Variants in SACS observed in about 807,000 individuals in gnomAD.
SACS encodes sacsin molecular chaperone, also known as sacsin.
SACS carries 197 observed loss-of-function variants against 348.0 expected under a neutral mutation model. The ratio of observed to expected loss-of-function variants is 0.57; its 90% CI spans 0.50 to 0.64. SACS has a LOEUF of 0.64. Ranked by LOEUF, SACS falls within the 30% of genes least tolerant of loss-of-function variation. SACS has a pLI of 0.00. For synonymous variants in SACS, 1,985 were observed against 1,910.6 expected (o/e 1.04, Z -1.02); for missense variants, 4,999 against 5,360.8 (o/e 0.93, Z 2.11).
Position 23,330,380 on chromosome 13 carries a change from T to A in SACS, c.13496A>T (p.Asp4499Val). The A allele has an allele frequency of 6.2e-7, 1 of 1,614,202 alleles. No homozygotes were observed. The highest frequency in any genetic ancestry group is 8.5e-7 in the Non-Finnish European group (1 of 1,180,018). Reference protein sequence around the residue: ...DYAVRGKSDKDVKPTALAQKI... With the variant: ...DYAVRGKSDKVVKPTALAQKI... ...CTGAGCAAGTGCAGTTGGTTTTACA[T>A]CTTTATCAGACTTTCCCCTCACAGC... is the stretch of plus-strand genomic sequence containing the variant. Residue 4499 changes from aspartate to valine, a missense_variant, in exon 10 of 10, where the codon GAT (aspartate) becomes GTT (valine). Physicochemically the swap from Asp to Val is radical, Grantham distance 152 (BLOSUM62 -3). This residue lies in a region of SACS where 254 missense variants were observed against 275.1 expected (regional missense o/e 0.92). Coordinates refer to ENST00000382292, the MANE Select transcript of SACS (RefSeq NM_014363.6).
intron 4 of SACS, 36 bp from the exon 5 acceptor site, chr13:23,368,523 A>G: frequency 6.7e-7 from 1 of 1,484,114 alleles, no homozygotes; most frequent in Non-Finnish European, 9.4e-7. Flanking sequence ...GAGTTAGAAA[A>G]AAAATCCCAT....
intron 9 of SACS, 78 bp from the exon 10 acceptor site, chr13:23,341,768 T>C (rs974667325): frequency 1.2e-5 from 10 of 838,918 alleles, no homozygotes; most frequent in African/African-American, 1.1e-4. Context: ...AATAACACAG[T>C]ACTGGAAGGT....
intron 1 of SACS, among the ~76,000 whole-genome samples, chr13:23,414,776 C>T (rs893318866): frequency 4.6e-5 from 7 of 152,196 alleles, no homozygotes; most frequent in African/African-American, 1.7e-4. Flanking sequence ...CACATTTATT[C>T]CTGTCATTTC....
rs757993344 is a variant in SACS at position 23,336,891 on chromosome 13, G to T, written c.6985C>A (p.Gln2329Lys). Reference sequence around the variant, plus strand: ...ATTGACATCTTAGTGATTTCATTTTGCATCAAGGCTTCATGAAGGTATTTG... The same window carrying T: ...ATTGACATCTTAGTGATTTCATTTTTCATCAAGGCTTCATGAAGGTATTTG... ...CYKYLHEALM[Q>K]NEITKMSIID... Residue 2329 changes from glutamine (Q) to lysine (K), a missense_variant, in exon 10 of 10, where the codon CAA becomes AAA. Around this residue, in one of 6 missense-constraint regions of SACS, gnomAD observed 3,156 missense variants for 3,380.1 expected, o/e 0.93. Coordinates refer to ENST00000382292, the MANE Select transcript of SACS (RefSeq NM_014363.6). 6.2e-7 allele frequency: 1 copy of T among 1,613,404 alleles called. No individual in the cohort carries two copies. The highest frequency in any genetic ancestry group is 1.1e-5 in the South Asian group (1 of 91,046).
intron 9 of SACS, among the ~76,000 whole-genome samples, chr13:23,350,293 A>G (rs908552739): frequency 1.3e-5 from 2 of 152,236 alleles, no homozygotes; most frequent in Non-Finnish European, 2.9e-5. Context: ...AGTACAGACA[A>G]TAAGACAACT....
chr13:23,393,457 C>G (rs562221200), intron 2 of SACS, among the ~76,000 whole-genome samples: 11 of 152,282 alleles, frequency 7.2e-5, no homozygotes, highest in Admixed American at 6.5e-4. Context: ...CCTCATCACC[C>G]GTGTTCGCTG....
intron 1 of SACS, among the ~76,000 whole-genome samples, chr13:23,414,697 C>T (rs1873633101): frequency 6.6e-6 from 1 of 152,184 alleles, no homozygotes. Context: ...ACATTTATTA[C>T]AAAAATCAAT....
chr13:23,361,077 T>C (rs183329974), intron 6 of SACS, among the ~76,000 whole-genome samples: 1 of 152,246 alleles, frequency 6.6e-6, no homozygotes, highest in East Asian at 1.9e-4. Flanking sequence ...TCAGAACTGC[T>C]GTCTCTCACC....
chr13:23,389,919 T>G (rs762187742), intron 2 of SACS, among the ~76,000 whole-genome samples: 3 of 152,242 alleles, frequency 2.0e-5, no homozygotes, highest in African/African-American at 4.8e-5. Flanking sequence ...TGCATCTACA[T>G]ATGCCAGAAG....
chr13:23,361,975 G>A (rs1031488939), intron 6 of SACS, among the ~76,000 whole-genome samples: 2 of 152,150 alleles, frequency 1.3e-5, no homozygotes, highest in Admixed American at 6.5e-5. Context: ...GCACATACAC[G>A]GTGTTTACTA....
At position 23,341,474 on chromosome 13, in the gene SACS, G is replaced by A. The variant is rs778014724; in HGVS notation, c.2402C>T (p.Pro801Leu). Residue 801 changes from proline to leucine, a missense_variant, in exon 10 of 10, where the codon CCA (proline) becomes CTA (leucine). Transcript: ENST00000382292. The part of the protein sequence containing the change: ...SEDLTLFDEM[P>L]LIPRTILEEG... ...CTCTAGTATAGTTCTGGGGATAAGT[G>A]GCATCTCATCAAATAAAGTCAAATC... 1.2e-6 allele frequency: 2 copies of A among 1,613,836 alleles called. No individual in the cohort carries two copies. The highest frequency in any genetic ancestry group is 4.5e-5 in the East Asian group (2 of 44,868).
chr13:23,390,408 C>A (rs1465657669), intron 2 of SACS, among the ~76,000 whole-genome samples: 1 of 152,110 alleles, frequency 6.6e-6, no homozygotes, highest in Admixed American at 6.6e-5. Context: ...ACTTGTAATC[C>A]CAGCACTTCG....
intron 2 of SACS, among the ~76,000 whole-genome samples, chr13:23,392,047 C>T (rs1043110931): frequency 1.3e-5 from 2 of 152,176 alleles, no homozygotes; most frequent in Non-Finnish European, 2.9e-5. Flanking sequence ...TCCCAGGATG[C>T]AGTAAAATGG....
intron 2 of SACS, among the ~76,000 whole-genome samples, chr13:23,398,733 A>G (rs1872818332): frequency 6.6e-6 from 1 of 152,062 alleles, no homozygotes; most frequent in African/African-American, 2.4e-5. Context: ...AGGATTGTGG[A>G]GACAAAGTTT....
At chr13:23,409,354 G>GTTT (rs542678644) in intron 2 of SACS, among the ~76,000 whole-genome samples, 15 of 105,658 alleles carry the variant, frequency 1.4e-4, no homozygotes, top group South Asian at 3.2e-4. Flanking sequence ...CGCGCTGGCC[G>GTTT]TTTTTTTTTT....
chr13:23,342,584 C>CT (rs765991083), intron 9 of SACS, among the ~76,000 whole-genome samples: 28 of 152,190 alleles, frequency 1.8e-4, no homozygotes, highest in Admixed American at 6.5e-4. Flanking sequence ...ATGAGCATTT[C>CT]TTTTGAGTGT....
chr13:23,394,551 T>C (rs1018207625), intron 2 of SACS, among the ~76,000 whole-genome samples: 35 of 152,202 alleles, frequency 2.3e-4, no homozygotes, highest in African/African-American at 7.0e-4. Context: ...ATGACTTGCA[T>C]AGGATCAGAT....
At chr13:23,419,528 G>A (rs1301543919) in intron 1 of SACS, among the ~76,000 whole-genome samples, 1 of 152,152 alleles carries the variant, frequency 6.6e-6, no homozygotes, top group South Asian at 2.1e-4. Context: ...GAAACCGGGC[G>A]TGTTATGTCT....
chr13:23,355,376 A>T lies in SACS; in HGVS notation c.1236T>A (p.Asp412Glu), dbSNP rs752472671. 1.9e-5 allele frequency: 30 copies of T among 1,614,034 alleles called. No individual in the cohort carries two copies. Among genetic ancestry groups the T allele is most frequent in the Non-Finnish European group, 2.5e-5 (30 of 1,180,048 alleles). ...GISSKLDSLA[D>E]ELKFVPIIGI... ...CAATGATTGGGACAAATTTCAGTTC[A>T]TCAGCTAAAGAGTCAAGCTTACTAC... The change falls in exon 8 of 10, where the codon GAT becomes GAA. Residue 412 changes from aspartate (D) to glutamate (E), a missense_variant. By Grantham distance (45) the Asp-to-Glu change is conservative (BLOSUM62 2). This residue lies in a region of SACS where 3,156 missense variants were observed against 3,380.1 expected (regional missense o/e 0.93). Transcript: ENST00000382292.
Sources: allele counts gnomAD v4.1 joint callset (sites outside exome capture counted in the v4.1 genomes callset), GRCh38; gene constraint gnomAD v4.1.1; regional missense constraint gnomAD v4.1.1; transcripts MANE v1.5; gene names NCBI Gene and HGNC (gene_info 2026-07-23, HGNC 2026-07-21).